Variants in CHD8 observed in about 807,000 individuals in gnomAD.
CHD8 encodes the protein ATP-dependent chromatin remodeler CHD8.
Under a neutral mutation model 279.2 loss-of-function variants are expected in CHD8, and 31 were observed. That is an observed-to-expected ratio of 0.11 (90% CI 0.08 to 0.15). The LOEUF (loss-of-function observed/expected upper bound fraction) is 0.15, where lower values mean the gene tolerates loss of function less well. Among genes scored for constraint, CHD8 ranks in the 10% least tolerant of loss-of-function variants. The probability of loss-of-function intolerance (pLI) is 1.00; values close to 1 mark genes in which losing one functional copy is unlikely to be tolerated. For synonymous variants in CHD8, 1,081 were observed against 1,139.6 expected (o/e 0.95, Z 1.04); for missense variants, 2,146 against 3,230.5 (o/e 0.66, Z 8.14).
Position 21,403,188 on chromosome 14 carries a change from C to T in CHD8, c.3543G>A (p.Gly1181=). 1 of 1,613,808 alleles carries T rather than the reference C, an allele frequency of 6.2e-7. No individual in the cohort carries two copies. The highest frequency in any genetic ancestry group is 8.5e-7 in the Non-Finnish European group (1 of 1,179,812). ...CCTGTCGAAGGTTGCCTCTAACTCG[C>T]CCATCAATACGTTCATATAAGTACC... The part of the protein sequence containing the change: ...QRRYLYERID[G]RVRGNLRQAA... Residue 1181 remains glycine (G), a synonymous_variant, in exon 18 of 38, where the codon GGG becomes GGA. Transcript: ENST00000646647. The surrounding 1 kb of genome is among the most constrained non-coding windows in gnomAD (Gnocchi z 4.3).
Position 21,435,160 on chromosome 14 carries a change from A to G in CHD8, c.-215-3302T>C, listed in dbSNP as rs1024820780. ...TAGTGGTTGTACTTAGTCACTTTCCATAATTACAAACTAATGACCAGAATC... is the reference window on the plus strand; with the variant it reads ...TAGTGGTTGTACTTAGTCACTTTCCGTAATTACAAACTAATGACCAGAATC... On this transcript the variant is annotated intron_variant, in intron 1 of 37. Transcript: ENST00000646647. 3.9e-5 allele frequency among the ~76,000 whole-genome samples: 6 copies of G among 152,252 alleles called. No homozygotes were observed. In the South Asian group the frequency reaches 1.0e-3, roughly 26 times the overall value.
intron 34 of CHD8, chr14:21,392,172 G>A (rs755258387): frequency 1.3e-6 from 1 of 759,538 alleles, no homozygotes; most frequent in Admixed American, 1.7e-5. Context: ...TTACGAGAAA[G>A]AGTTTATTTC....
intron 5 of CHD8, among the ~76,000 whole-genome samples, chr14:21,424,928 T>C (rs1487597849): frequency 6.6e-6 from 1 of 152,082 alleles, no homozygotes; most frequent in African/African-American, 2.4e-5. Flanking sequence ...GATGAGAAAC[T>C]GAGACTCAAG....
In CHD8 at chr14:21,440,041, CAGTA is replaced by C. The variant is rs1358654000; in HGVS notation, c.-215-8187_-215-8184del. Among the ~76,000 whole-genome samples, 37 of 152,260 alleles carry C rather than the reference CAGTA, an allele frequency of 2.4e-4. 1 individual carries two copies. The highest frequency in any genetic ancestry group is 2.1e-3 in the Admixed American group (32 of 15,290). On this transcript the variant is annotated intron_variant, in intron 1 of 37. Transcript: ENST00000646647. ...AGACATAATCCCTACCCTCAACTCA[CAGTA>C]AGTAAGAGTGCATTTGTGTATGTAT...
chr14:21,395,610 T>G, intron 28 of CHD8: 1 of 591,604 alleles, frequency 1.7e-6, no homozygotes, highest in Non-Finnish European at 3.0e-6. Flanking sequence ...TATCTTTCAG[T>G]GTCCAGCTCC....
At position 21,401,083 on chromosome 14, in the gene CHD8, A is replaced by T; in HGVS notation, c.4174-12T>A. ...ATTACCAAATTATTCTATGAAGAGAACAGAAGGAGAAGTAATTCTCTTCCT... is the reference window on the plus strand; with the variant it reads ...ATTACCAAATTATTCTATGAAGAGATCAGAAGGAGAAGTAATTCTCTTCCT... On this transcript the variant is annotated splice_polypyrimidine_tract_variant and intron_variant, in intron 21 of 37. Coordinates refer to ENST00000646647, the MANE Select transcript of CHD8 (RefSeq NM_001170629.2). 1 of 1,574,048 alleles carries T rather than the reference A, an allele frequency of 6.4e-7. No individual in the cohort carries two copies. The highest frequency in any genetic ancestry group is 8.6e-7 in the Non-Finnish European group (1 of 1,158,048).
At chr14:21,396,381 A>C (rs1887784920) in intron 27 of CHD8, among the ~76,000 whole-genome samples, 1 of 151,742 alleles carries the variant, frequency 6.6e-6, no homozygotes, top group African/African-American at 2.4e-5. Flanking sequence ...ATCTCAGCTC[A>C]CTGCAACCTG....
In CHD8 at chr14:21,391,877, G is replaced by C; in HGVS notation, c.6841C>G (p.Pro2281Ala). ...MANGVMGDGH[P>A]LFHKKKGNRK... ...TTCCCCTTCTTCTTATGAAACAGTG[G>C]ATGTCCATCTCCCATTACTCCATTC... The change falls in exon 35 of 38, where the codon CCA (proline) becomes GCA (alanine). Residue 2281 changes from proline to alanine, a missense_variant. Physicochemically the swap from Pro to Ala is conservative, Grantham distance 27. Transcript: ENST00000646647. The C allele has an allele frequency of 7.4e-6, 12 of 1,613,754 alleles. No individual in the cohort carries two copies. Among genetic ancestry groups the C allele is most frequent in the Non-Finnish European group, 1.0e-5 (12 of 1,179,722 alleles).
rs775303317 is a variant in CHD8 at position 21,393,903 on chromosome 14, A to G, written c.5892T>C (p.Tyr1964=). The G allele has an allele frequency of 9.3e-6, 15 of 1,613,880 alleles. No homozygotes were observed. Among genetic ancestry groups the G allele is most frequent in the African/African-American group, 8.0e-5 (6 of 74,912 alleles). The change falls in exon 32 of 38, where the codon TAT becomes TAC. Residue 1964 remains tyrosine (Y), a synonymous_variant. Coordinates refer to ENST00000646647, the MANE Select transcript of CHD8 (RefSeq NM_001170629.2). ...GTGCTCCTGCTTGATGGTTCTGCAT[A>G]TAATTCATACGGGCAGCCAGAAAAG... is the stretch of plus-strand genomic sequence containing the variant. ...DFSFLAARMN[Y]MQNHQAGAPA...
At chr14:21,439,282 C>T (rs972344859) in intron 1 of CHD8, among the ~76,000 whole-genome samples, 1 of 152,106 alleles carries the variant, frequency 6.6e-6, no homozygotes, top group Non-Finnish European at 1.5e-5. Flanking sequence ...CTAGCATTAC[C>T]ACTGTCGCTA....
chr14:21,453,217 C>T (rs780321150), intron 1 of CHD8, among the ~76,000 whole-genome samples: 1 of 151,036 alleles, frequency 6.6e-6, no homozygotes, highest in Non-Finnish European at 1.5e-5. Flanking sequence ...AAATTAGATA[C>T]CCTAAAAGGT....
At chr14:21,392,134 C>T in intron 34 of CHD8, 188 bp from the exon 35 acceptor site, 1 of 759,594 alleles carries the variant, frequency 1.3e-6, no homozygotes, top group East Asian at 2.4e-5. Flanking sequence ...AGAAAGATTT[C>T]ACTTCTTCAC....
Position 21,401,931 on chromosome 14 carries a change from T to C in CHD8, c.4062+26A>G, listed in dbSNP as rs1347601386. 6 of 1,576,320 alleles carry C rather than the reference T, an allele frequency of 3.8e-6. No individual in the cohort carries two copies. The South Asian group carries it at 5.9e-5, about 15-fold the overall frequency. ...AGAGATTCCGGTCTCTGTGTTTTTC[T>C]AGCCTCTGGCATAGACAGAACATGC... is the stretch of plus-strand genomic sequence containing the variant. On this transcript the variant is annotated intron_variant, in intron 20 of 37. Coordinates refer to ENST00000646647, the MANE Select transcript of CHD8 (RefSeq NM_001170629.2).
intron 26 of CHD8, chr14:21,399,357 C>T (rs1377948849): frequency 2.3e-5 from 11 of 482,628 alleles, no homozygotes; most frequent in South Asian, 6.3e-5. Context: ...ACACTGCTAA[C>T]AGTGATTAGA....
At chr14:21,437,285 G>A in intron 1 of CHD8, 1 of 1,137,400 alleles carries the variant, frequency 8.8e-7, no homozygotes, top group Non-Finnish European at 1.1e-6. Context: ...TGATGCTCCT[G>A]CCCGCCCCGC....
Position 21,394,343 on chromosome 14 carries a change from T to C in CHD8, c.5533A>G (p.Lys1845Glu), listed in dbSNP as rs1222530427. The C allele has an allele frequency of 1.2e-6, 2 of 1,613,828 alleles. No individual in the cohort carries two copies. Among genetic ancestry groups the C allele is most frequent in the Non-Finnish European group, 1.7e-6 (2 of 1,179,884 alleles). The change falls in exon 31 of 38, where the codon AAG becomes GAG. Residue 1845 changes from lysine to glutamate, a missense_variant. By Grantham distance (56) the Lys-to-Glu change is moderately conservative. Transcript: ENST00000646647. The part of the protein sequence containing the change: ...LDKKTDESLT[K>E]YFHGFVAMCR... ...ATGGCCACAAAGCCATGGAAGTACT[T>C]GGTAAGGCTTTCATCTGTCTTTTTG...
rs1367150317 is a variant in CHD8 at position 21,402,890 on chromosome 14, C to T, written c.3714+127G>A. The T allele has an allele frequency of 4.0e-6, 3 of 749,854 alleles. No homozygotes were observed. In the African/African-American group the frequency reaches 5.3e-5, roughly 13 times the overall value. The allele number at this position is 749,854 out of a possible 1,614,324, so 46.5% of individuals were successfully genotyped here. ...CAGAAAACGTTTGCTGATTCCCTGACCTAACTGCCACCCTTAACTAAGGAA... is the reference window on the plus strand; with the variant it reads ...CAGAAAACGTTTGCTGATTCCCTGATCTAACTGCCACCCTTAACTAAGGAA... On this transcript the variant is annotated intron_variant, in intron 18 of 37. Transcript: ENST00000646647. The surrounding 1 kb of genome is among the most constrained non-coding windows in gnomAD (Gnocchi z 4.5).
chr14:21,393,220 C>T lies in CHD8; in HGVS notation c.6354G>A (p.Glu2118=). ...GGGACATAGTGAGGGACAGGAGACT[C>T]TCTTCATCATAGAGCTTTGAGCGGG... ...DQSRSKLYDE[E]SLLSLTMSQD... is the part of the protein sequence containing the mutation. Residue 2118 remains glutamate, a synonymous_variant, in exon 33 of 38, where the codon GAG becomes GAA. Coordinates refer to ENST00000646647, the MANE Select transcript of CHD8 (RefSeq NM_001170629.2). 6.2e-7 allele frequency: 1 copy of T among 1,613,958 alleles called. No individual in the cohort carries two copies. Among genetic ancestry groups the T allele is most frequent in the Non-Finnish European group, 8.5e-7 (1 of 1,179,882 alleles).
chr14:21,388,965 T>G (rs575445778), intron 37 of CHD8, among the ~76,000 whole-genome samples: 10 of 152,186 alleles, frequency 6.6e-5, no homozygotes, highest in Non-Finnish European at 1.3e-4. Context: ...CCATTTTAAA[T>G]GACTCTATGT....
Sources: allele counts gnomAD v4.1 joint callset (sites outside exome capture counted in the v4.1 genomes callset), GRCh38; gene constraint gnomAD v4.1.1; non-coding constraint Gnocchi (gnomAD v3.1); transcripts MANE v1.5; gene names NCBI Gene and HGNC (gene_info 2026-07-23, HGNC 2026-07-21).